The following GRIA2 variants were observed in gnomAD, a reference collection of about 807,000 sequenced individuals.
The protein encoded by GRIA2 is glutamate ionotropic receptor AMPA type subunit 2.
A neutral mutation model predicts 97.3 loss-of-function variants in GRIA2; 14 were observed. The observed-to-expected ratio is 0.14, with a 90% CI of 0.10 to 0.23. GRIA2 has a LOEUF of 0.23. Ranked by LOEUF, GRIA2 falls within the 10% of genes least tolerant of loss-of-function variation. The pLI, the probability that GRIA2 is intolerant of heterozygous loss-of-function variation, is 1.00. For synonymous variants in GRIA2, 412 were observed against 387.8 expected, an observed-to-expected ratio of 1.06 and a Z score of -0.73; for missense variants, 558 against 1,069.8, an observed-to-expected ratio of 0.52 and a Z score of 6.67.
chr4:157,279,303 G>A (rs1454414832), intron 2 of GRIA2, among the ~76,000 whole-genome samples: 2 of 152,096 alleles, frequency 1.3e-5, no homozygotes, highest in African/African-American at 2.4e-5. Context: ...AGACATGGAA[G>A]AAACTTTATT....
chr4:157,355,411 C>A (rs1736207515), intron 12 of GRIA2, among the ~76,000 whole-genome samples: 1 of 150,888 alleles, frequency 6.6e-6, no homozygotes, highest in Non-Finnish European at 1.5e-5. Flanking sequence ...GCCTGTAATC[C>A]CAGCTACCCA....
At chr4:157,321,972 G>C (rs1043180681) in intron 6 of GRIA2, among the ~76,000 whole-genome samples, 1 of 152,084 alleles carries the variant, frequency 6.6e-6, no homozygotes, top group African/African-American at 2.4e-5. Context: ...AGCATTGACA[G>C]AAGAATGCCA....
chr4:157,328,937 G>A (rs1166202357), intron 6 of GRIA2, among the ~76,000 whole-genome samples: 2 of 151,888 alleles, frequency 1.3e-5, no homozygotes, highest in African/African-American at 2.4e-5. Context: ...ATGTGATAGA[G>A]CTTGTGTGCT....
In GRIA2 at chr4:157,364,083, T is replaced by C. The variant is rs940620797; in HGVS notation, c.*652T>C. 1 of 152,396 alleles carries C rather than the reference T, an allele frequency of 6.6e-6. No homozygotes were observed. The highest frequency in any genetic ancestry group is 2.4e-5 in the African/African-American group (1 of 41,412). The allele number at this position is 152,396 out of a possible 1,614,324, so 9.4% of individuals were successfully genotyped here. ...ACAATTAAACTGAGTGGGAAGTGAA[T>C]AAAAAAAGGCTTTAGGTATCGATTC... is the stretch of plus-strand genomic sequence containing the variant. On this transcript the variant is annotated 3_prime_UTR_variant, in exon 16 of 16. Coordinates refer to ENST00000264426, the MANE Select transcript of GRIA2 (RefSeq NM_001083619.3).
At chr4:157,240,586 G>A (rs1342162035) in intron 2 of GRIA2, among the ~76,000 whole-genome samples, 3 of 151,908 alleles carry the variant, frequency 2.0e-5, no homozygotes, top group African/African-American at 4.8e-5. Flanking sequence ...TGCACTGCCC[G>A]TCAACTGGGA....
chr4:157,273,497 C>T (rs1053511355), intron 2 of GRIA2, among the ~76,000 whole-genome samples: 7 of 151,888 alleles, frequency 4.6e-5, no homozygotes, highest in African/African-American at 1.7e-4. Context: ...AAACAGTATG[C>T]AGTTATAGAT....
In GRIA2 at chr4:157,277,481, T is replaced by A. The variant is rs532526111; in HGVS notation, c.230-26071T>A. On this transcript the variant is annotated intron_variant, in intron 2 of 15. Transcript: ENST00000264426. ...GCTAAGATCAGGAACAAAGCAAGGA[T>A]GTTCTCTTTCACCACTTCTTTTCAA... 1.1e-4 allele frequency among the ~76,000 whole-genome samples: 16 copies of A among 151,930 alleles called. No individual in the cohort carries two copies. The South Asian group carries it at 3.3e-3, about 31-fold the overall frequency.
intron 2 of GRIA2, among the ~76,000 whole-genome samples, chr4:157,244,756 C>T (rs1049731991): frequency 6.6e-6 from 1 of 151,904 alleles, no homozygotes; most frequent in Non-Finnish European, 1.5e-5. Context: ...GACTTCCTAC[C>T]TCTTCATTGT....
chr4:157,236,143 T>G (rs1311365895), intron 2 of GRIA2, among the ~76,000 whole-genome samples: 1 of 152,040 alleles, frequency 6.6e-6, no homozygotes, highest in Admixed American at 6.6e-5. Context: ...ACAATAGCAT[T>G]TTGGTACTAT....
chr4:157,311,087 A>T lies in GRIA2; in HGVS notation c.470-1592A>T, dbSNP rs543108836. Among the ~76,000 whole-genome samples, 69 of 152,142 alleles carry T rather than the reference A, an allele frequency of 4.5e-4. 1 individual carries two copies. In the Middle Eastern group the frequency reaches 0.01, roughly 22 times the overall value. ...AAGATGGTGATAATTTCAAATATAT[A>T]TTCATCCATCATCTATTAGCTAGAG... On this transcript the variant is annotated intron_variant, in intron 3 of 15. Transcript: ENST00000264426.
intron 2 of GRIA2, among the ~76,000 whole-genome samples, chr4:157,239,382 A>G (rs984732195): frequency 7.2e-5 from 11 of 152,116 alleles, no homozygotes; most frequent in African/African-American, 2.4e-4. Flanking sequence ...TATTTTTGGA[A>G]TGTGCTTCCC....
intron 2 of GRIA2, among the ~76,000 whole-genome samples, chr4:157,285,832 A>T (rs1579332328): frequency 6.6e-6 from 1 of 151,660 alleles, no homozygotes; most frequent in East Asian, 1.9e-4. Context: ...AGTGACTACA[A>T]TTTATAGATC....
At chr4:157,222,565 CA>C (rs1346071613) in intron 2 of GRIA2, among the ~76,000 whole-genome samples, 1 of 152,182 alleles carries the variant, frequency 6.6e-6, no homozygotes, top group Non-Finnish European at 1.5e-5. Context: ...GCGAGGCCGC[CA>C]GGGGCGCCGC....
At chr4:157,260,589 T>C (rs1441265665) in intron 2 of GRIA2, among the ~76,000 whole-genome samples, 5 of 152,092 alleles carry the variant, frequency 3.3e-5, no homozygotes, top group East Asian at 3.9e-4. Flanking sequence ...TTCTCTCACA[T>C]GTCATTGGCT....
chr4:157,292,342 A>C (rs967014773), intron 2 of GRIA2, among the ~76,000 whole-genome samples: 4 of 152,064 alleles, frequency 2.6e-5, no homozygotes, highest in African/African-American at 9.7e-5. Context: ...TTGAACATCT[A>C]TGTGGAAACA....
chr4:157,340,566 C>A (rs1203977014), intron 11 of GRIA2, among the ~76,000 whole-genome samples: 1 of 151,638 alleles, frequency 6.6e-6, no homozygotes, highest in Admixed American at 6.6e-5. Flanking sequence ...AATTTGTTTT[C>A]TTTGAGTTTT....
chr4:157,241,396 T>C (rs1730504621), intron 2 of GRIA2, among the ~76,000 whole-genome samples: 1 of 152,134 alleles, frequency 6.6e-6, no homozygotes, highest in African/African-American at 2.4e-5. Flanking sequence ...TGGGAACTTT[T>C]AAAGTCCATC....
chr4:157,281,512 C>T (rs1015273298), intron 2 of GRIA2, among the ~76,000 whole-genome samples: 2 of 152,120 alleles, frequency 1.3e-5, no homozygotes, highest in African/African-American at 4.8e-5. Flanking sequence ...ATTTGGGGCT[C>T]ATTCCATGTT....
At chr4:157,337,870 A>G (rs191313599) in intron 11 of GRIA2, among the ~76,000 whole-genome samples, 5 of 151,178 alleles carry the variant, frequency 3.3e-5, no homozygotes, top group South Asian at 2.1e-4. Flanking sequence ...ATAAAAAAAA[A>G]TTACATTTTT....
Sources: gnomAD v4.1 joint callset for allele counts (sites outside exome capture counted in the v4.1 genomes callset) on GRCh38, gnomAD v4.1.1 for gene constraint, MANE v1.5 for transcripts, NCBI Gene and HGNC (gene_info 2026-07-23, HGNC 2026-07-21) for gene names.